The following RBM27 variants were observed in gnomAD, a reference collection of about 807,000 sequenced individuals.
RBM27 encodes RNA binding motif protein 27.
In RBM27, 22 loss-of-function variants were observed where a neutral mutation model predicts 135.3. The ratio of observed to expected loss-of-function variants is 0.16; its 90% CI spans 0.12 to 0.23. The LOEUF (loss-of-function observed/expected upper bound fraction) is 0.23, where lower values mean the gene tolerates loss of function less well. RBM27 is among the 10% of genes least tolerant of loss of function. RBM27 has a pLI of 1.00. For missense variants in RBM27, 1,009 were observed against 1,281.0 expected (o/e 0.79, Z 3.24); for synonymous variants, 481 against 442.4 (o/e 1.09, Z -1.10).
intron 8 of RBM27, among the ~76,000 whole-genome samples, chr5:146,250,035 C>T (rs1003823490): frequency 1.3e-5 from 2 of 152,178 alleles, no homozygotes; most frequent in Admixed American, 6.6e-5. Context: ...TGAAGTTTAG[C>T]ATCTCCATAT....
chr5:146,237,123 G>A (rs1005801697), intron 7 of RBM27, among the ~76,000 whole-genome samples, 175 bp from the exon 8 acceptor site: 4 of 152,026 alleles, frequency 2.6e-5, no homozygotes, highest in African/African-American at 9.7e-5. Context: ...ATTGTTAGTA[G>A]AGACGAGGTT....
rs1482927995 is a variant in RBM27 at position 146,288,622 on chromosome 5, A to G, written c.*2592A>G. 6.6e-6 allele frequency: 1 copy of G among 152,140 alleles called. No individual in the cohort carries two copies. Among genetic ancestry groups the G allele is most frequent in the Non-Finnish European group, 1.5e-5 (1 of 67,962 alleles). The allele number at this position is 152,140 out of a possible 1,614,324, so 9.4% of individuals were successfully genotyped here. A position where few individuals can be genotyped will look rare whatever the true frequency, so the allele number is the denominator to read the frequency against. ...TGGCATCTTCATTTACAGAAATAAC[A>G]TACAGCATCTAAAGCAAGTTCTGTC... On this transcript the variant is annotated 3_prime_UTR_variant, in exon 21 of 21. Coordinates refer to ENST00000265271, the MANE Select transcript of RBM27 (RefSeq NM_018989.2).
At chr5:146,259,843 G>A (rs904582155) in intron 11 of RBM27, among the ~76,000 whole-genome samples, 2 of 150,154 alleles carry the variant, frequency 1.3e-5, no homozygotes, top group African/African-American at 4.9e-5. Context: ...CGCAGTGGCG[G>A]GCGCCTGTAG....
At chr5:146,203,905 G>T in intron 1 of RBM27, 81 bp downstream of exon 1, 8 of 1,261,868 alleles carry the variant, frequency 6.3e-6, no homozygotes, top group South Asian at 5.5e-5. Flanking sequence ...GAGGTGGCGT[G>T]GGGGGCGGCG....
intron 14 of RBM27, 93 bp downstream of exon 14, chr5:146,263,724 G>T: frequency 7.1e-7 from 1 of 1,415,168 alleles, no homozygotes. Context: ...AGACAGTTGT[G>T]ACAGTTAACC....
intron 1 of RBM27, among the ~76,000 whole-genome samples, chr5:146,206,343 G>A (rs1363616663): frequency 7.2e-6 from 1 of 138,484 alleles, no homozygotes; most frequent in East Asian, 2.1e-4. Context: ...GTTAGTCTGG[G>A]TGGGAGCTTC....
intron 1 of RBM27, among the ~76,000 whole-genome samples, chr5:146,215,791 C>T (rs911624456): frequency 2.0e-5 from 3 of 151,888 alleles, no homozygotes; most frequent in Non-Finnish European, 4.4e-5. Context: ...CTCTCTGTCA[C>T]CCAGGCTGGA....
intron 7 of RBM27, among the ~76,000 whole-genome samples, chr5:146,236,528 C>T (rs973138459): frequency 6.6e-6 from 1 of 152,122 alleles, no homozygotes; most frequent in African/African-American, 2.4e-5. Flanking sequence ...TTATACAACT[C>T]CCAGTGCTTA....
chr5:146,261,423 G>T, intron 12 of RBM27, 87 bp from the exon 13 acceptor site: 1 of 1,117,988 alleles, frequency 8.9e-7, no homozygotes, highest in Non-Finnish European at 1.3e-6. Flanking sequence ...TGTATTTTGG[G>T]GAAAACATTC....
At chr5:146,241,333 C>T (rs1308272192) in intron 8 of RBM27, among the ~76,000 whole-genome samples, 1 of 152,100 alleles carries the variant, frequency 6.6e-6, no homozygotes, top group Non-Finnish European at 1.5e-5. Context: ...TATTGAATGC[C>T]TACTATGTGC....
At chr5:146,207,403 A>G (rs1043307290) in intron 1 of RBM27, among the ~76,000 whole-genome samples, 11 of 150,474 alleles carry the variant, frequency 7.3e-5, no homozygotes, top group African/African-American at 2.7e-4. Context: ...TTTAGTAGAG[A>G]GGGGGTTTCA....
At chr5:146,234,611 T>A (rs770230905) in intron 7 of RBM27, among the ~76,000 whole-genome samples, 1 of 152,146 alleles carries the variant, frequency 6.6e-6, no homozygotes, top group African/African-American at 2.4e-5. Flanking sequence ...TTATTAACAG[T>A]TGCCAATATA....
intron 19 of RBM27, among the ~76,000 whole-genome samples, chr5:146,281,070 A>T (rs1185377011): frequency 6.6e-6 from 1 of 152,110 alleles, no homozygotes; most frequent in Non-Finnish European, 1.5e-5. Flanking sequence ...CATGTTGGCC[A>T]GGTTGGTCTC....
At chr5:146,221,062 C>CA (rs1756443406) in intron 2 of RBM27, among the ~76,000 whole-genome samples, 1 of 150,340 alleles carries the variant, frequency 6.7e-6, no homozygotes, top group South Asian at 2.1e-4. Flanking sequence ...ACTAAAAAAA[C>CA]ACAAAAAAAT....
chr5:146,247,751 C>G (rs908039264), intron 8 of RBM27, among the ~76,000 whole-genome samples: 1 of 152,104 alleles, frequency 6.6e-6, no homozygotes, highest in Non-Finnish European at 1.5e-5. Context: ...TTATGTACTT[C>G]CTACACAGTA....
intron 1 of RBM27, among the ~76,000 whole-genome samples, chr5:146,218,024 T>C (rs1441752611): frequency 6.6e-6 from 1 of 152,170 alleles, no homozygotes; most frequent in Non-Finnish European, 1.5e-5. Context: ...TCTCAGGATG[T>C]TGGGATTACA....
At position 146,260,782 on chromosome 5, in the gene RBM27, C is replaced by G; in HGVS notation, c.1777C>G (p.Arg593Gly). ...CAATCAAAATAAACCAGGGTTCTTA[C>G]GAAAGAATCAGTATACAAACACCAA... ...NNNQNKPGFL[R>G]KNQYTNTKLE... is the part of the protein sequence containing the mutation. The change falls in exon 12 of 21, where the codon CGA becomes GGA. Residue 593 changes from arginine (R) to glycine (G), a missense_variant. Around this residue, in one of 6 missense-constraint regions of RBM27, gnomAD observed 329 missense variants for 368.1 expected, o/e 0.89. Coordinates refer to ENST00000265271, the MANE Select transcript of RBM27 (RefSeq NM_018989.2). 1 of 1,609,992 alleles carries G rather than the reference C, an allele frequency of 6.2e-7. No individual in the cohort carries two copies. The highest frequency in any genetic ancestry group is 8.5e-7 in the Non-Finnish European group (1 of 1,178,762).
chr5:146,271,105 A>G (rs1344503381), intron 18 of RBM27, 47 bp downstream of exon 18: 1 of 1,495,112 alleles, frequency 6.7e-7, no homozygotes, highest in Non-Finnish European at 9.3e-7. Context: ...AACGTCTCAA[A>G]AAAGTTTTCC....
chr5:146,269,900 T>C (rs1187562409), intron 17 of RBM27, among the ~76,000 whole-genome samples: 1 of 152,156 alleles, frequency 6.6e-6, no homozygotes, highest in Admixed American at 6.5e-5. Context: ...TTAGTGTTTC[T>C]GTAGATGCTC....
Sources: gnomAD v4.1 joint callset for allele counts (sites outside exome capture counted in the v4.1 genomes callset) on GRCh38, gnomAD v4.1.1 for gene constraint, gnomAD v4.1.1 regional missense constraint, MANE v1.5 for transcripts, NCBI Gene and HGNC (gene_info 2026-07-23, HGNC 2026-07-21) for gene names.